The following PTPRK variants were observed in gnomAD, a reference collection of about 807,000 sequenced individuals.
PTPRK encodes receptor-type tyrosine-protein phosphatase kappa.
A neutral mutation model predicts 178.0 loss-of-function variants in PTPRK; 75 were observed. The observed-to-expected ratio is 0.42, with a 90% CI of 0.35 to 0.51. The LOEUF (loss-of-function observed/expected upper bound fraction) is 0.51, where lower values mean the gene tolerates loss of function less well. Among genes scored for constraint, PTPRK ranks in the 20% least tolerant of loss-of-function variants. PTPRK has a pLI of 0.02. For missense variants in PTPRK, 1,441 were observed against 1,797.8 expected (o/e 0.80, Z 3.59); for synonymous variants, 637 against 620.6 (o/e 1.03, Z -0.39).
At chr6:127,979,400 T>C (rs1414148217) in intron 25 of PTPRK, among the ~76,000 whole-genome samples, 1 of 152,278 alleles carries the variant, frequency 6.6e-6, no homozygotes, top group Non-Finnish European at 1.5e-5. Context: ...TTTTCTCCTT[T>C]TCTTGTTCAC....
chr6:127,977,918 T>C (rs1774802161), intron 25 of PTPRK, among the ~76,000 whole-genome samples: 1 of 152,220 alleles, frequency 6.6e-6, no homozygotes, highest in Non-Finnish European at 1.5e-5. Context: ...TAGTAGATTA[T>C]AGAGTTCCCT....
chr6:128,269,643 CAG>C (rs1289858348), intron 3 of PTPRK, among the ~76,000 whole-genome samples: 1 of 151,822 alleles, frequency 6.6e-6, no homozygotes, highest in African/African-American at 2.4e-5. Context: ...ATGTCGATGA[CAG>C]GGGAGGGCAC....
At chr6:127,980,599 T>C (rs1775217513) in intron 25 of PTPRK, among the ~76,000 whole-genome samples, 2 of 152,212 alleles carry the variant, frequency 1.3e-5, no homozygotes, top group South Asian at 4.1e-4. Context: ...GGCAAGATTG[T>C]TCTTTCATTA....
At chr6:128,255,051 C>T (rs969401304) in intron 3 of PTPRK, among the ~76,000 whole-genome samples, 5 of 152,142 alleles carry the variant, frequency 3.3e-5, no homozygotes, top group South Asian at 4.1e-4. Flanking sequence ...AGTACAGTGA[C>T]GCGATCTCAG....
chr6:128,116,622 A>T (rs1017669600), intron 7 of PTPRK, among the ~76,000 whole-genome samples: 3 of 152,222 alleles, frequency 2.0e-5, no homozygotes, highest in Admixed American at 1.3e-4. Context: ...TACCTATATC[A>T]GCAATCAACA....
intron 7 of PTPRK, among the ~76,000 whole-genome samples, chr6:128,104,750 A>C (rs982566974): frequency 6.6e-6 from 1 of 152,230 alleles, no homozygotes; most frequent in African/African-American, 2.4e-5. Context: ...ATAAAATGAG[A>C]TTTAAACAAC....
At chr6:127,991,079 T>C (rs1204947180) in intron 20 of PTPRK, among the ~76,000 whole-genome samples, 194 bp from the exon 21 acceptor site, 1 of 152,002 alleles carries the variant, frequency 6.6e-6, no homozygotes, top group Non-Finnish European at 1.5e-5. Context: ...ATAATGCAGT[T>C]AGATTCCAGT....
At position 128,108,889 on chromosome 6, in the gene PTPRK, C is replaced by A. The variant is rs1252656152; in HGVS notation, c.1163-18897G>T. Among the ~76,000 whole-genome samples the A allele has an allele frequency of 2.6e-5, 4 of 152,244 alleles. No homozygotes were observed. The East Asian group carries it at 7.7e-4, about 29-fold the overall frequency. ...CGACAGAGAATGAGCTAGTTCACAT[C>A]TCTTTCTCTGATAAGGACACTAATA... On this transcript the variant is annotated intron_variant, in intron 7 of 29. Coordinates refer to ENST00000368226, the MANE Select transcript of PTPRK (RefSeq NM_002844.4).
At chr6:128,160,014 T>C (rs1798473765) in intron 7 of PTPRK, among the ~76,000 whole-genome samples, 1 of 151,742 alleles carries the variant, frequency 6.6e-6, no homozygotes, top group South Asian at 2.1e-4. Flanking sequence ...TAAACTTCAT[T>C]TATATCTTGA....
chr6:128,338,821 G>A (rs1449512772), intron 2 of PTPRK, among the ~76,000 whole-genome samples: 1 of 151,906 alleles, frequency 6.6e-6, no homozygotes, highest in African/African-American at 2.4e-5. Flanking sequence ...TTCTTTCTGG[G>A]GCTATAAAAA....
At chr6:128,274,509 T>A (rs1820411456) in intron 3 of PTPRK, among the ~76,000 whole-genome samples, 1 of 152,032 alleles carries the variant, frequency 6.6e-6, no homozygotes, top group African/African-American at 2.4e-5. Flanking sequence ...AATAAACTAC[T>A]TTCCGGGATC....
At chr6:127,986,122 G>A (rs113759131) in intron 21 of PTPRK, among the ~76,000 whole-genome samples, 7,138 of 152,144 alleles carry the variant, frequency 0.047, 590 homozygotes, top group African/African-American at 0.16. Flanking sequence ...CTAAAAGTCT[G>A]GGTAAATTTT....
chr6:128,383,091 T>A (rs1838177411), intron 2 of PTPRK, among the ~76,000 whole-genome samples: 1 of 152,170 alleles, frequency 6.6e-6, no homozygotes, highest in African/African-American at 2.4e-5. Context: ...GAAGAAATAG[T>A]CACCACTGCT....
At chr6:128,218,703 C>T (rs1245693982) in intron 6 of PTPRK, among the ~76,000 whole-genome samples, 1 of 152,170 alleles carries the variant, frequency 6.6e-6, no homozygotes, top group Non-Finnish European at 1.5e-5. Context: ...AAATAGATTT[C>T]TTTCAATGGC....
Position 128,341,479 on chromosome 6 carries a change from T to C in PTPRK, c.224-19169A>G, listed in dbSNP as rs9375561. On this transcript the variant is annotated intron_variant, in intron 2 of 29. Coordinates refer to ENST00000368226, the MANE Select transcript of PTPRK (RefSeq NM_002844.4). ...ACTAAGTCCAAAAGGTACATTGGAA[T>C]AAAATTATGTGTACACAGGCCTAAA... is the stretch of plus-strand genomic sequence containing the variant. 9.2e-5 allele frequency among the ~76,000 whole-genome samples: 14 copies of C among 152,324 alleles called. No individual in the cohort carries two copies. In the East Asian group the frequency reaches 2.7e-3, roughly 29 times the overall value.
In PTPRK at chr6:128,394,447, G is replaced by T. The variant is rs372835964; in HGVS notation, c.223+3119C>A. ...TTATGCTCCAACAGTAGTATTAGAG[G>T]GTTTTACTTATTCTACATTCTTACC... On this transcript the variant is annotated intron_variant, in intron 2 of 29. Transcript: ENST00000368226. Among the ~76,000 whole-genome samples the T allele has an allele frequency of 1.3e-4, 20 of 152,088 alleles. No homozygotes were observed. In the East Asian group the frequency reaches 1.7e-3, roughly 13 times the overall value.
At chr6:128,430,737 A>G (rs1844732450) in intron 1 of PTPRK, among the ~76,000 whole-genome samples, 1 of 152,156 alleles carries the variant, frequency 6.6e-6, no homozygotes, top group Admixed American at 6.5e-5. Flanking sequence ...AACAAGCCAC[A>G]TTAGGAAAAA....
rs1201996929 is a variant in PTPRK, at chr6:128,354,229, A to ATTTTTT, written c.224-31920_224-31919insAAAAAA. Among the ~76,000 whole-genome samples, 25 of 27,724 alleles carry ATTTTTT rather than the reference A, an allele frequency of 9.0e-4. 2 individuals carry two copies. The highest frequency in any genetic ancestry group is 5.5e-3 in the East Asian group (5 of 916). 18.2% of individuals were successfully genotyped at this position (27,724 alleles called of 152,430 possible). ...TTACATGTATTTTGGTTTTTTGTTT[A>ATTTTTT]TGTTTTTTTTTTTTTTTTTTTTTTT... On this transcript the variant is annotated intron_variant, in intron 2 of 29. Coordinates refer to ENST00000368226, the MANE Select transcript of PTPRK (RefSeq NM_002844.4).
intron 1 of PTPRK, among the ~76,000 whole-genome samples, chr6:128,508,844 T>A (rs12176551): frequency 6.6e-6 from 1 of 151,274 alleles, no homozygotes; most frequent in East Asian, 1.9e-4. Context: ...CTACTTGGGA[T>A]GCTGAGGCAG....
Sources: allele counts gnomAD v4.1 joint callset (sites outside exome capture counted in the v4.1 genomes callset), GRCh38; gene constraint gnomAD v4.1.1; transcripts MANE v1.5; gene names NCBI Gene and HGNC (gene_info 2026-07-23, HGNC 2026-07-21).